FRMPD4: variants seen among roughly 807,000 people sequenced by gnomAD.
The protein encoded by FRMPD4 is FERM and PDZ domain-containing protein 4.
FRMPD4 carries 22 observed loss-of-function variants against 94.1 expected under a neutral mutation model. The ratio of observed to expected loss-of-function variants is 0.23; its 90% CI spans 0.17 to 0.33. The LOEUF (loss-of-function observed/expected upper bound fraction) is 0.33, where lower values mean the gene tolerates loss of function less well. Ranked by LOEUF, FRMPD4 falls within the 10% of genes least tolerant of loss-of-function variation. The probability of loss-of-function intolerance (pLI) is 1.00; values close to 1 mark genes in which losing one functional copy is unlikely to be tolerated. For synonymous variants in FRMPD4, 631 were observed against 548.6 expected, an observed-to-expected ratio of 1.15 and a Z score of -2.10; for missense variants, 1,111 against 1,339.9, an observed-to-expected ratio of 0.83 and a Z score of 2.67.
intron 2 of FRMPD4, among the ~76,000 whole-genome samples, chrX:12,599,574 T>C: frequency 8.9e-6 from 1 of 111,930 alleles, no homozygotes; most frequent in East Asian, 2.8e-4. Flanking sequence ...GATGGAAATA[T>C]GCCATTCCCC....
intron 3 of FRMPD4, among the ~76,000 whole-genome samples, chrX:12,055,778 A>G (rs1267166703): frequency 9.0e-6 from 1 of 111,578 alleles, no homozygotes; most frequent in Admixed American, 9.5e-5. Context: ...ACTAGAGAGG[A>G]TGGAGGGTAA....
At chrX:12,431,790 T>G (rs1247932484) in intron 1 of FRMPD4, among the ~76,000 whole-genome samples, 1 of 112,607 alleles carries the variant, frequency 8.9e-6, no homozygotes, top group Non-Finnish European at 1.9e-5. Flanking sequence ...AAATGTGTTT[T>G]CTGTTAAGAA....
rs761768482 is a variant in FRMPD4, at chrX:12,524,005, A to G, written c.158+25209A>G. Among the ~76,000 whole-genome samples the G allele has an allele frequency of 4.5e-5, 5 of 111,220 alleles. No homozygotes were observed. The South Asian group carries it at 1.9e-3, about 43-fold the overall frequency. ...CCATCATCTCTAAAAAAGTTTAAAA[A>G]TTAGGCAGGCTTGGTGGCATGCACC... is the stretch of plus-strand genomic sequence containing the variant. On this transcript the variant is annotated intron_variant, in intron 2 of 16. Transcript: ENST00000675598.
intron 3 of FRMPD4, among the ~76,000 whole-genome samples, chrX:12,125,531 AT>A (rs11442787): frequency 6.5e-5 from 7 of 108,137 alleles, no homozygotes; most frequent in African/African-American, 1.0e-4. Context: ...TTTCCTCTGA[AT>A]TTTTTTTTAA....
intron 2 of FRMPD4, among the ~76,000 whole-genome samples, chrX:12,567,071 G>T (rs1415523789): frequency 9.0e-6 from 1 of 110,571 alleles, no homozygotes; most frequent in African/African-American, 3.3e-5. Context: ...TTGCCCTAGT[G>T]TGGGGAAAAA....
In FRMPD4 at chrX:12,426,712, G is replaced by A. The variant is rs955717415; in HGVS notation, c.42-71968G>A. On this transcript the variant is annotated intron_variant, in intron 1 of 16. Coordinates refer to ENST00000675598, the MANE Select transcript of FRMPD4 (RefSeq NM_001368397.1). ...CCTGATCTGCCCTTCCATAATCACA[G>A]AAGGATGCTTGCTCATGAAGAACAC... Among the ~76,000 whole-genome samples the A allele has an allele frequency of 2.7e-5, 3 of 111,272 alleles. No homozygotes were observed. The Admixed American group carries it at 2.9e-4, about 11-fold the overall frequency.
At chrX:12,644,364 T>C (rs2059528273) in intron 4 of FRMPD4, among the ~76,000 whole-genome samples, 1 of 112,190 alleles carries the variant, frequency 8.9e-6, no homozygotes, top group East Asian at 2.8e-4. Flanking sequence ...TGTATCTGCA[T>C]TGGCTATGCA....
At chrX:12,263,356 G>C (rs2054222626) in intron 1 of FRMPD4, among the ~76,000 whole-genome samples, 2 of 111,680 alleles carry the variant, frequency 1.8e-5, no homozygotes, top group South Asian at 7.5e-4. Context: ...TTTGCAAGCA[G>C]ACAAATGTGG....
chrX:12,176,448 G>A (rs1447306455), intron 1 of FRMPD4, among the ~76,000 whole-genome samples: 2 of 111,342 alleles, frequency 1.8e-5, no homozygotes, highest in East Asian at 2.8e-4. Flanking sequence ...TATTGTGGCC[G>A]TATTTCCCCA....
At chrX:12,073,400 G>A (rs2054986256) in intron 3 of FRMPD4, among the ~76,000 whole-genome samples, 1 of 111,972 alleles carries the variant, frequency 8.9e-6, no homozygotes, top group African/African-American at 3.2e-5. Flanking sequence ...GTGTGTCCAT[G>A]AAACTAGTTG....
Position 12,690,330 on chromosome X carries a change from T to C in FRMPD4, c.813+4T>C. The C allele has an allele frequency of 8.3e-7, 1 of 1,207,174 alleles. No homozygotes were observed. The highest frequency in any genetic ancestry group is 1.1e-6 in the Non-Finnish European group (1 of 892,439). On this transcript the variant is annotated splice_donor_region_variant and intron_variant, in intron 8 of 16. Transcript: ENST00000675598. Reference sequence around the variant, plus strand: ...TGAACAGGAGACTCTAACTCAGGTCTGTGAAATCTCACCCTCAAGTGATGA... The same window carrying C: ...TGAACAGGAGACTCTAACTCAGGTCCGTGAAATCTCACCCTCAAGTGATGA...
chrX:12,445,040 T>C, intron 1 of FRMPD4, among the ~76,000 whole-genome samples: 1 of 112,230 alleles, frequency 8.9e-6, no homozygotes. Context: ...GCTCTCTCAT[T>C]ATCCCTGTCT....
intron 1 of FRMPD4, among the ~76,000 whole-genome samples, chrX:12,164,787 C>T (rs180673421): frequency 0.013 from 1,429 of 112,590 alleles, 24 homozygotes; most frequent in African/African-American, 0.039. Flanking sequence ...ATTTGCATTT[C>T]TCTGATGGCC....
chrX:12,041,555 A>ATT (rs200104330), intron 3 of FRMPD4, among the ~76,000 whole-genome samples: 1 of 103,404 alleles, frequency 9.7e-6, no homozygotes, highest in African/African-American at 3.5e-5. Context: ...ATCATGAGTC[A>ATT]TTTTTTTTTT....
intron 3 of FRMPD4, 134 bp from the exon 4 acceptor site, chrX:12,614,645 G>A (rs2059217334): frequency 1.1e-5 from 5 of 455,073 alleles, no homozygotes; most frequent in Non-Finnish European, 2.0e-5. Flanking sequence ...ATTGTCCAAA[G>A]AACACCCAAG....
chrX:11,892,914 C>A (rs1418117090), intron 3 of FRMPD4, among the ~76,000 whole-genome samples: 1 of 111,718 alleles, frequency 9.0e-6, no homozygotes, highest in South Asian at 3.8e-4. Flanking sequence ...TATACCCGGA[C>A]GTCAAAATTA....
At chrX:12,420,492 C>G (rs753832993) in intron 1 of FRMPD4, among the ~76,000 whole-genome samples, 1 of 111,990 alleles carries the variant, frequency 8.9e-6, no homozygotes, top group East Asian at 2.8e-4. Context: ...TGCTGCATCT[C>G]TCATCACCTG....
intron 4 of FRMPD4, among the ~76,000 whole-genome samples, chrX:12,619,325 CTG>C (rs1351393949): frequency 8.9e-6 from 1 of 111,863 alleles, no homozygotes; most frequent in Non-Finnish European, 1.9e-5. Flanking sequence ...AAGAAAGTAA[CTG>C]TAATAAGAAA....
At chrX:12,116,681 G>A (rs368393811) in intron 3 of FRMPD4, among the ~76,000 whole-genome samples, 1 of 111,913 alleles carries the variant, frequency 8.9e-6, no homozygotes, top group African/African-American at 3.3e-5. Flanking sequence ...ACTCAAGTTA[G>A]AAAGATTGCT....
Sources: gnomAD v4.1 joint callset for allele counts (sites outside exome capture counted in the v4.1 genomes callset) on GRCh38, gnomAD v4.1.1 for gene constraint, MANE v1.5 for transcripts, NCBI Gene and HGNC (gene_info 2026-07-23, HGNC 2026-07-21) for gene names.